The following FSTL4 variants were observed in gnomAD, a reference collection of about 807,000 sequenced individuals.
FSTL4 encodes the protein follistatin like 4, also known as follistatin-related protein 4.
A neutral mutation model predicts 78.2 loss-of-function variants in FSTL4; 28 were observed. The observed-to-expected ratio is 0.36, with a 90% CI of 0.27 to 0.49. FSTL4 has a LOEUF of 0.49. Ranked by LOEUF, FSTL4 falls within the 20% of genes least tolerant of loss-of-function variation. FSTL4 has a pLI of 0.98. For synonymous variants in FSTL4, 422 were observed against 440.5 expected (o/e 0.96, Z 0.53); for missense variants, 922 against 1,084.9 (o/e 0.85, Z 2.11).
intron 7 of FSTL4, among the ~76,000 whole-genome samples, chr5:133,233,917 C>T (rs999392971): frequency 3.3e-5 from 5 of 152,142 alleles, no homozygotes; most frequent in Non-Finnish European, 4.4e-5. Context: ...GCTCTGTTTC[C>T]GGAGGCCAGG....
chr5:133,358,587 A>ATTTCT (rs1754993174), intron 4 of FSTL4, among the ~76,000 whole-genome samples: 1 of 118,844 alleles, frequency 8.4e-6, no homozygotes. Flanking sequence ...CCAGGGTTCT[A>ATTTCT]TTTCTTTTTT....
At chr5:133,603,678 A>T (rs1462747746) in intron 2 of FSTL4, among the ~76,000 whole-genome samples, 180 bp downstream of exon 2, 1 of 152,202 alleles carries the variant, frequency 6.6e-6, no homozygotes, top group East Asian at 1.9e-4. Context: ...ACATCGTGTT[A>T]TCAACCTCTT....
At chr5:133,302,925 C>T (rs1475142176) in intron 6 of FSTL4, among the ~76,000 whole-genome samples, 2 of 152,246 alleles carry the variant, frequency 1.3e-5, no homozygotes, top group Non-Finnish European at 2.9e-5. Flanking sequence ...CAAGCACCTA[C>T]TCTGTGCCAG....
In FSTL4 at chr5:133,201,987, G is replaced by T; in HGVS notation, c.1772C>A (p.Ala591Glu). Reference protein sequence around the residue: ...QSQHLIRTPFAGVDDFFIPPT... With the variant: ...QSQHLIRTPFEGVDDFFIPPT... ...GGGAATGAAGAAATCATCCACTCCT[G>T]CAAAGGGTGTGCGGATGAGGTGCTG... Residue 591 changes from alanine to glutamate, a missense_variant, in exon 15 of 16, where the codon GCA (alanine) becomes GAA (glutamate). Transcript: ENST00000265342. 3.7e-6 allele frequency: 6 copies of T among 1,612,316 alleles called. No individual in the cohort carries two copies. The highest frequency in any genetic ancestry group is 5.1e-6 in the Non-Finnish European group (6 of 1,178,870).
the FSTL4 span, among the ~76,000 whole-genome samples, chr5:133,705,216 C>T: frequency 0.067 from 10,119 of 152,134 alleles, 441 homozygotes; most frequent in Middle Eastern, 0.15. Context: ...CCTGCCATCA[C>T]GCCCGGCTAA....
chr5:133,780,584 A>G, the FSTL4 span, among the ~76,000 whole-genome samples: 1 of 152,184 alleles, frequency 6.6e-6, no homozygotes, highest in African/African-American at 2.4e-5. Context: ...AGCACAGAAG[A>G]CATTTTGAGG....
At chr5:133,363,253 T>C (rs1755108978) in intron 4 of FSTL4, among the ~76,000 whole-genome samples, 1 of 152,142 alleles carries the variant, frequency 6.6e-6, no homozygotes, top group Non-Finnish European at 1.5e-5. Flanking sequence ...CAGCGACAGG[T>C]ACCAAGTGCC....
At chr5:133,311,580 G>C (rs1753785722) in intron 6 of FSTL4, among the ~76,000 whole-genome samples, 1 of 152,160 alleles carries the variant, frequency 6.6e-6, no homozygotes, top group Non-Finnish European at 1.5e-5. Context: ...TCCCTCTTCA[G>C]GCCTTGTGAA....
the FSTL4 span, among the ~76,000 whole-genome samples, chr5:133,654,773 C>A: frequency 6.6e-6 from 1 of 152,170 alleles, no homozygotes; most frequent in Admixed American, 6.5e-5. Flanking sequence ...GCGCCTGACA[C>A]AAGTGCAAAG....
chr5:133,457,847 G>C (rs138613647), intron 3 of FSTL4: 1 of 152,212 alleles, frequency 6.6e-6, no homozygotes, highest in African/African-American at 2.4e-5. Flanking sequence ...GAGTGGATGA[G>C]GCCATTAATC....
At chr5:133,631,168 A>C in the FSTL4 span, among the ~76,000 whole-genome samples, 1 of 152,202 alleles carries the variant, frequency 6.6e-6, no homozygotes, top group Non-Finnish European at 1.5e-5. Flanking sequence ...TAAACTAAAG[A>C]GCTTCTGCAC....
chr5:133,361,142 G>A lies in FSTL4; in HGVS notation c.409+39596C>T, dbSNP rs1442036292. ...ACTTTTTCTGAGCCCTTGAAGCCGAGAGCAAGTCTGAAACATGATTCCCGA... is the reference window on the plus strand; with the variant it reads ...ACTTTTTCTGAGCCCTTGAAGCCGAAAGCAAGTCTGAAACATGATTCCCGA... On this transcript the variant is annotated intron_variant, in intron 4 of 15. Coordinates refer to ENST00000265342, the MANE Select transcript of FSTL4 (RefSeq NM_015082.2). This position sits in a 1 kb window ranked among gnomAD's most constrained non-coding sequence, Gnocchi z 4.3. 6.6e-6 allele frequency among the ~76,000 whole-genome samples: 1 copy of A among 152,152 alleles called. No homozygotes were observed. Among genetic ancestry groups the A allele is most frequent in the Non-Finnish European group, 1.5e-5 (1 of 68,032 alleles).
Position 133,199,896 on chromosome 5 carries a change from A to C in FSTL4, c.1827-99T>G, listed in dbSNP as rs749123109. 1.4e-4 allele frequency: 91 copies of C among 638,240 alleles called. No individual in the cohort carries two copies. The highest frequency in any genetic ancestry group is 2.1e-4 in the Non-Finnish European group (76 of 358,018). The allele number at this position is 638,240 out of a possible 1,614,324, so 39.5% of individuals were successfully genotyped here. A position where few individuals can be genotyped will look rare whatever the true frequency, so the allele number is the denominator to read the frequency against. On this transcript the variant is annotated intron_variant, in intron 15 of 15. Coordinates refer to ENST00000265342, the MANE Select transcript of FSTL4 (RefSeq NM_015082.2). This position sits in a 1 kb window ranked among gnomAD's most constrained non-coding sequence, Gnocchi z 4.4. Reference sequence around the variant, plus strand: ...ATCCTCTGCCTTTTCCCTTTATTATAATCCTTCAGTGATCTAATAGCCTAG... The same window carrying C: ...ATCCTCTGCCTTTTCCCTTTATTATCATCCTTCAGTGATCTAATAGCCTAG...
chr5:133,428,868 G>A (rs867743637), intron 3 of FSTL4, among the ~76,000 whole-genome samples: 2 of 152,114 alleles, frequency 1.3e-5, no homozygotes, highest in South Asian at 2.1e-4. Flanking sequence ...AGTAAACTAC[G>A]ACACACAGAG....
At chr5:133,798,970 AAGGG>A in the FSTL4 span, among the ~76,000 whole-genome samples, 11,185 of 61,918 alleles carry the variant, frequency 0.18, 1,897 homozygotes, top group Non-Finnish European at 0.24. Flanking sequence ...GGGAGGGAGG[AAGGG>A]AGGGAGGGAG....
intron 14 of FSTL4, among the ~76,000 whole-genome samples, chr5:133,207,639 C>T (rs1750565096): frequency 6.6e-6 from 1 of 152,074 alleles, no homozygotes; most frequent in African/African-American, 2.4e-5. Context: ...TTTCTGCATA[C>T]TCCCTACTTT....
rs1004107189 is a variant in FSTL4, at chr5:133,389,126, T to G, written c.409+11612A>C. Reference sequence around the variant, plus strand: ...TGCATTGGGAGTAGAACACAGTTGCTGTCTAAAATGAGCTTCTGTTTCTTG... The same window carrying G: ...TGCATTGGGAGTAGAACACAGTTGCGGTCTAAAATGAGCTTCTGTTTCTTG... On this transcript the variant is annotated intron_variant, in intron 4 of 15. Coordinates refer to ENST00000265342, the MANE Select transcript of FSTL4 (RefSeq NM_015082.2). 6.6e-5 allele frequency among the ~76,000 whole-genome samples: 10 copies of G among 152,254 alleles called. No homozygotes were observed. The East Asian group carries it at 1.9e-3, about 29-fold the overall frequency.
At chr5:133,639,305 A>G in the FSTL4 span, among the ~76,000 whole-genome samples, 1 of 152,168 alleles carries the variant, frequency 6.6e-6, no homozygotes, top group African/African-American at 2.4e-5. Flanking sequence ...TACGTCCTCA[A>G]TACGTAGACT....
intron 3 of FSTL4, among the ~76,000 whole-genome samples, chr5:133,529,968 T>C (rs543030430): frequency 6.6e-6 from 1 of 152,270 alleles, no homozygotes; most frequent in South Asian, 2.1e-4. Context: ...TGTAACCATT[T>C]CTCTTTTCTA....
Sources: gnomAD v4.1 joint callset for allele counts (sites outside exome capture counted in the v4.1 genomes callset) on GRCh38, gnomAD v4.1.1 for gene constraint, Gnocchi (gnomAD v3.1) non-coding constraint, MANE v1.5 for transcripts, NCBI Gene and HGNC (gene_info 2026-07-23, HGNC 2026-07-21) for gene names.